Variants in LRP1B observed in about 807,000 individuals in gnomAD.
The protein encoded by LRP1B is LDL receptor related protein 1B, also known as low-density lipoprotein receptor-related protein 1B.
A neutral mutation model predicts 556.6 loss-of-function variants in LRP1B; 217 were observed. The ratio of observed to expected loss-of-function variants is 0.39; its 90% confidence interval spans 0.35 to 0.44. The LOEUF is 0.44. LRP1B is among the 20% of genes least tolerant of loss of function. The pLI, the probability that LRP1B is intolerant of heterozygous loss-of-function variation, is 1.00. For synonymous variants in LRP1B, 2,047 were observed against 1,865.8 expected, an observed-to-expected ratio of 1.10 and a Z score of -2.50; for missense variants, 5,053 against 5,620.8, an observed-to-expected ratio of 0.90 and a Z score of 3.23.
chr2:141,901,144 C>G lies in LRP1B; in HGVS notation c.83-90743G>C, dbSNP rs74329185. 2.7e-3 allele frequency among the ~76,000 whole-genome samples: 418 copies of G among 152,190 alleles called. 1 individual carries two copies. The highest frequency in any genetic ancestry group is 9.3e-3 in the African/African-American group (387 of 41,562). The stretch of plus-strand genomic sequence containing the variant: ...GAGCTCTTTCTCTCTAACAGGCTTA[C>G]AGGACAAATGCACTAAGGAGTTTTC... On this transcript the variant is annotated intron_variant, in intron 1 of 90. Transcript: ENST00000389484.
At chr2:141,866,632 A>G (rs1356707818) in intron 1 of LRP1B, among the ~76,000 whole-genome samples, 21 of 152,150 alleles carry the variant, frequency 1.4e-4, no homozygotes, top group Non-Finnish European at 2.4e-4. Flanking sequence ...TGTTAATTCC[A>G]TAGGAACCGA....
chr2:142,064,707 A>G (rs1388944843), intron 1 of LRP1B, among the ~76,000 whole-genome samples: 1 of 151,604 alleles, frequency 6.6e-6, no homozygotes, highest in Non-Finnish European at 1.5e-5. Context: ...AAAAGCATAC[A>G]CTGAGTACAT....
chr2:141,086,845 G>A (rs1303397557), intron 7 of LRP1B, among the ~76,000 whole-genome samples: 1 of 152,110 alleles, frequency 6.6e-6, no homozygotes, highest in Non-Finnish European at 1.5e-5. Context: ...TCAGCACAAA[G>A]CAGGATGGTA....
At position 140,356,330 on chromosome 2, in the gene LRP1B, A is replaced by G; in HGVS notation, c.11530+12T>C. On this transcript the variant is annotated intron_variant, in intron 75 of 90. Transcript: ENST00000389484. Reference sequence around the variant, plus strand: ...AGATTTATGAGCAAACTGTTGAAGAAAAGTACTCTACCTTCACATTGTCTG... The same window carrying G: ...AGATTTATGAGCAAACTGTTGAAGAGAAGTACTCTACCTTCACATTGTCTG... The G allele has an allele frequency of 1.2e-6, 2 of 1,609,442 alleles. No homozygotes were observed. Among genetic ancestry groups the G allele is most frequent in the Middle Eastern group, 3.3e-4 (2 of 6,020 alleles).
chr2:142,025,410 C>A (rs1008791457), intron 1 of LRP1B, among the ~76,000 whole-genome samples: 9 of 152,144 alleles, frequency 5.9e-5, no homozygotes, highest in Non-Finnish European at 1.2e-4. Flanking sequence ...GAGGGAAGCA[C>A]TTTTATTATT....
chr2:140,322,566 T>TGTCAGTACAAGGTATTGTAGCTG (rs1300562233), intron 81 of LRP1B, among the ~76,000 whole-genome samples: 5 of 152,220 alleles, frequency 3.3e-5, no homozygotes, highest in African/African-American at 1.2e-4. Context: ...ATATGTAGCT[T>TGTCAGTACAAGGTATTGTAGCTG]GTCAGTACAA....
intron 66 of LRP1B, among the ~76,000 whole-genome samples, chr2:140,440,936 T>C (rs146656310): frequency 6.6e-6 from 1 of 152,282 alleles, no homozygotes; most frequent in African/African-American, 2.4e-5. Context: ...CCCTGTTATT[T>C]GACACATCCC....
chr2:140,469,581 A>G (rs1687681656), intron 60 of LRP1B, among the ~76,000 whole-genome samples: 1 of 152,194 alleles, frequency 6.6e-6, no homozygotes, highest in Non-Finnish European at 1.5e-5. Context: ...TAGTAATTAT[A>G]TTCTAGTGGC....
At chr2:141,464,799 A>G (rs183062288) in intron 3 of LRP1B, among the ~76,000 whole-genome samples, 10 of 151,580 alleles carry the variant, frequency 6.6e-5, no homozygotes, top group Admixed American at 2.6e-4. Context: ...CTCTAAAACC[A>G]TGTGGTAAGA....
chr2:141,386,244 T>TC (rs996093512), intron 3 of LRP1B, among the ~76,000 whole-genome samples: 1 of 151,874 alleles, frequency 6.6e-6, no homozygotes, highest in Middle Eastern at 3.4e-3. Flanking sequence ...TACTTTAAAA[T>TC]CCCCCCCAAA....
chr2:141,649,659 C>T (rs1689712167), intron 2 of LRP1B, among the ~76,000 whole-genome samples: 2 of 152,242 alleles, frequency 1.3e-5, no homozygotes, highest in South Asian at 4.1e-4. Flanking sequence ...AATTCCAATA[C>T]CTCTAATTGT....
intron 2 of LRP1B, among the ~76,000 whole-genome samples, chr2:141,667,871 G>A (rs754049039): frequency 1.3e-5 from 2 of 152,060 alleles, no homozygotes; most frequent in Admixed American, 1.3e-4. Flanking sequence ...AAGAATGGAT[G>A]GATGAATAGG....
At chr2:141,220,948 T>C (rs777274173) in intron 6 of LRP1B, among the ~76,000 whole-genome samples, 17 of 152,018 alleles carry the variant, frequency 1.1e-4, no homozygotes, top group Non-Finnish European at 2.2e-4. Context: ...GAAAAGTTCA[T>C]TACCAGCCAC....
rs560067714 is a variant in LRP1B, at chr2:140,952,415, T to TA, written c.2888-476dup. ...GATGTTAACATTATATGGTGAAAGTTAAAAAAAAAATAAACACAATAAAAT... is the reference window on the plus strand; with the variant it reads ...GATGTTAACATTATATGGTGAAAGTTAAAAAAAAAAATAAACACAATAAAAT... On this transcript the variant is annotated intron_variant, in intron 18 of 90. Transcript: ENST00000389484. Among the ~76,000 whole-genome samples the TA allele has an allele frequency of 1.2e-3, 179 of 145,996 alleles. 1 individual carries two copies. The South Asian group carries it at 0.02, about 16-fold the overall frequency.
Position 140,867,787 on chromosome 2 carries a change from T to C in LRP1B, c.4382A>G (p.Glu1461Gly). The stretch of plus-strand genomic sequence containing the variant: ...AAGGTATTCATGACCTCGGATGATT[T>C]CTATCATGTTTGTTCCATCATAGAG... ...SALYDGTNMI[E>G]IIRGHEYLSH... The change falls in exon 27 of 91, where the codon GAA becomes GGA. Residue 1461 changes from glutamate (E) to glycine (G), a missense_variant. Coordinates refer to ENST00000389484, the MANE Select transcript of LRP1B (RefSeq NM_018557.3). 6.2e-7 allele frequency: 1 copy of C among 1,603,910 alleles called. No homozygotes were observed. Among genetic ancestry groups the C allele is most frequent in the Non-Finnish European group, 8.5e-7 (1 of 1,174,542 alleles).
chr2:141,134,508 A>G (rs1274742087), intron 7 of LRP1B, among the ~76,000 whole-genome samples: 1 of 151,736 alleles, frequency 6.6e-6, no homozygotes, highest in Non-Finnish European at 1.5e-5. Flanking sequence ...CTTATGTGTA[A>G]TTTACTTAAG....
chr2:140,761,316 A>G (rs1486369335), intron 35 of LRP1B, among the ~76,000 whole-genome samples: 1 of 152,190 alleles, frequency 6.6e-6, no homozygotes, highest in Non-Finnish European at 1.5e-5. Context: ...ATGTGTGGGA[A>G]TAAGATATAT....
intron 2 of LRP1B, among the ~76,000 whole-genome samples, chr2:141,582,337 G>A (rs565057369): frequency 1.4e-4 from 21 of 152,260 alleles, no homozygotes; most frequent in Non-Finnish European, 1.9e-4. Flanking sequence ...TTCATGAGAC[G>A]CACAAGTTGT....
chr2:141,737,849 C>T (rs1693547683), intron 2 of LRP1B, among the ~76,000 whole-genome samples: 1 of 152,124 alleles, frequency 6.6e-6, no homozygotes, highest in African/African-American at 2.4e-5. Context: ...TAGTAGGGAA[C>T]ACCTATCTTA....
Sources: gnomAD v4.1 joint callset for allele counts (sites outside exome capture counted in the v4.1 genomes callset) on GRCh38, gnomAD v4.1.1 for gene constraint, MANE v1.5 for transcripts, NCBI Gene and HGNC (gene_info 2026-07-23, HGNC 2026-07-21) for gene names.